CNTN4: variants seen among roughly 807,000 people sequenced by gnomAD.
CNTN4 encodes contactin-4.
CNTN4 carries 77 observed loss-of-function variants against 122.5 expected under a neutral mutation model. The ratio of observed to expected loss-of-function variants is 0.63; its 90% CI spans 0.52 to 0.76. The LOEUF is 0.76. Among genes scored for constraint, CNTN4 ranks in the 30% least tolerant of loss-of-function variants. The probability of loss-of-function intolerance (pLI) is 0.00; values close to 1 mark genes in which losing one functional copy is unlikely to be tolerated. For synonymous variants in CNTN4, 512 were observed against 447.0 expected (o/e 1.15, Z -1.83); for missense variants, 1,256 against 1,259.1 (o/e 1.00, Z 0.04).
chr3:2,714,471 G>T (rs1299473983), intron 4 of CNTN4, among the ~76,000 whole-genome samples: 1 of 152,148 alleles, frequency 6.6e-6, no homozygotes, highest in East Asian at 1.9e-4. Context: ...CCTGGGATTG[G>T]ATGCTATGCC....
intron 13 of CNTN4, among the ~76,000 whole-genome samples, chr3:2,934,053 C>T (rs1483847503): frequency 1.3e-5 from 2 of 152,062 alleles, no homozygotes; most frequent in Non-Finnish European, 2.9e-5. Context: ...AAGGAGTAAG[C>T]GCTTGGTGCT....
At chr3:2,123,853 T>A (rs1340217196) in intron 2 of CNTN4, among the ~76,000 whole-genome samples, 1 of 152,222 alleles carries the variant, frequency 6.6e-6, no homozygotes, top group African/African-American at 2.4e-5. Context: ...ATCCTGACTC[T>A]CTAAGTAAAA....
At chr3:2,353,162 A>G (rs980620069) in intron 3 of CNTN4, among the ~76,000 whole-genome samples, 17 of 151,974 alleles carry the variant, frequency 1.1e-4, no homozygotes, top group African/African-American at 1.9e-4. Context: ...TTGTGGATGC[A>G]CCAATCAGCA....
At chr3:2,228,387 C>G (rs1210599348) in intron 2 of CNTN4, among the ~76,000 whole-genome samples, 1 of 152,082 alleles carries the variant, frequency 6.6e-6, no homozygotes, top group Admixed American at 6.6e-5. Context: ...GACACAGTCT[C>G]ACTCATTTGT....
At chr3:2,471,848 A>G (rs2075694735) in intron 3 of CNTN4, among the ~76,000 whole-genome samples, 1 of 152,240 alleles carries the variant, frequency 6.6e-6, no homozygotes, top group Non-Finnish European at 1.5e-5. Flanking sequence ...GAGCACATTT[A>G]TAAATGCCTT....
At chr3:2,108,491 T>G (rs2032652073) in intron 2 of CNTN4, among the ~76,000 whole-genome samples, 1 of 152,186 alleles carries the variant, frequency 6.6e-6, no homozygotes, top group African/African-American at 2.4e-5. Context: ...AGAAATTTGT[T>G]GCCTTGCCTT....
intron 2 of CNTN4, among the ~76,000 whole-genome samples, chr3:2,335,309 T>G (rs1259986524): frequency 5.0e-5 from 4 of 79,644 alleles, no homozygotes. Flanking sequence ...ATTAAAAAAA[T>G]GATTATAATG....
chr3:2,756,691 G>C (rs1470422314), intron 6 of CNTN4, among the ~76,000 whole-genome samples: 2 of 152,172 alleles, frequency 1.3e-5, no homozygotes, highest in East Asian at 3.9e-4. Context: ...TCATAAGAGA[G>C]TGAGGAGAAA....
chr3:2,167,283 C>T (rs1046675539), intron 2 of CNTN4, among the ~76,000 whole-genome samples: 1 of 152,034 alleles, frequency 6.6e-6, no homozygotes, highest in African/African-American at 2.4e-5. Flanking sequence ...ATGATTGCCA[C>T]CTCATGGAAT....
intron 24 of CNTN4, among the ~76,000 whole-genome samples, 167 bp from the exon 25 acceptor site, chr3:3,055,953 G>T (rs1701745182): frequency 6.6e-6 from 1 of 152,116 alleles, no homozygotes; most frequent in South Asian, 2.1e-4. Flanking sequence ...CTACTCCCAG[G>T]TTTGTAGCTT....
At chr3:2,185,426 A>C (rs894544276) in intron 2 of CNTN4, among the ~76,000 whole-genome samples, 1 of 152,078 alleles carries the variant, frequency 6.6e-6, no homozygotes, top group Non-Finnish European at 1.5e-5. Context: ...ACTTGGCTCT[A>C]AATTAGTATC....
At chr3:2,979,951 G>C (rs1277001775) in intron 13 of CNTN4, among the ~76,000 whole-genome samples, 1 of 152,134 alleles carries the variant, frequency 6.6e-6, no homozygotes, top group African/African-American at 2.4e-5. Flanking sequence ...CTCCTCTTTT[G>C]GGTGATAGAG....
intron 2 of CNTN4, among the ~76,000 whole-genome samples, chr3:2,161,649 T>C (rs7627495): frequency 0.55 from 83,589 of 152,016 alleles, 23,259 homozygotes; most frequent in East Asian, 0.77. Context: ...GGAGGAGTTC[T>C]GAGTTCTGGA....
chr3:2,168,101 C>T (rs2149216403), intron 2 of CNTN4, among the ~76,000 whole-genome samples: 2 of 152,224 alleles, frequency 1.3e-5, no homozygotes, highest in East Asian at 1.9e-4. Context: ...CCATTGCACC[C>T]CACTCTGACC....
intron 5 of CNTN4, among the ~76,000 whole-genome samples, chr3:2,743,915 G>C (rs2089607845): frequency 6.6e-6 from 1 of 151,992 alleles, no homozygotes; most frequent in South Asian, 2.1e-4. Flanking sequence ...GGTTCAAGTG[G>C]TCCTCCCACC....
chr3:2,251,846 A>G (rs538474995), intron 2 of CNTN4, among the ~76,000 whole-genome samples: 4 of 152,050 alleles, frequency 2.6e-5, no homozygotes, highest in East Asian at 1.9e-4. Flanking sequence ...ATCATGAAAC[A>G]TAAGTATTAT....
At chr3:2,731,303 TC>T (rs531796979) in intron 4 of CNTN4, among the ~76,000 whole-genome samples, 191 of 152,246 alleles carry the variant, frequency 1.3e-3, no homozygotes, top group Non-Finnish European at 2.1e-3. Context: ...TCTTCTCCCT[TC>T]CCTTTATGAA....
At chr3:2,956,520 A>G (rs1161496387) in intron 13 of CNTN4, among the ~76,000 whole-genome samples, 1 of 152,148 alleles carries the variant, frequency 6.6e-6, no homozygotes, top group Non-Finnish European at 1.5e-5. Flanking sequence ...AAGGGGCAAT[A>G]TATACTCCCA....
intron 7 of CNTN4, among the ~76,000 whole-genome samples, chr3:2,850,334 C>T (rs2093528843): frequency 6.6e-6 from 1 of 152,198 alleles, no homozygotes; most frequent in Non-Finnish European, 1.5e-5. Flanking sequence ...AAACAGAACA[C>T]AGCTATTTTC....
Sources: allele counts gnomAD v4.1 joint callset (sites outside exome capture counted in the v4.1 genomes callset), GRCh38; gene constraint gnomAD v4.1.1; transcripts MANE v1.5; gene names NCBI Gene and HGNC (gene_info 2026-07-23, HGNC 2026-07-21).